Variants in WNT7B observed in about 807,000 individuals in gnomAD.
The protein encoded by WNT7B is Wnt family member 7B, also known as protein Wnt-7b.
A neutral mutation model predicts 38.2 loss-of-function variants in WNT7B; 19 were observed. That is an observed-to-expected ratio of 0.50 (90% CI 0.35 to 0.73). WNT7B has a LOEUF of 0.73. WNT7B is among the 30% of genes least tolerant of loss of function. The pLI, the probability that WNT7B is intolerant of heterozygous loss-of-function variation, is 0.01. For missense variants in WNT7B, 423 were observed against 507.9 expected (o/e 0.83, Z 1.61); for synonymous variants, 243 against 209.3 (o/e 1.16, Z -1.39).
In WNT7B at chr22:45,965,712, G is replaced by A. The variant is rs191137446; in HGVS notation, c.71+10972C>T. On this transcript the variant is annotated intron_variant, in intron 1 of 3. Coordinates refer to ENST00000339464, the MANE Select transcript of WNT7B (RefSeq NM_058238.3). The surrounding 1 kb of genome is among the most constrained non-coding windows in gnomAD (Gnocchi z 6.5). ...ACAAGACCCAGAACAGAAGGCCTCTGGGCTTCCCATACCCGCAGGACAGCT... is the reference window on the plus strand; with the variant it reads ...ACAAGACCCAGAACAGAAGGCCTCTAGGCTTCCCATACCCGCAGGACAGCT... Among the ~76,000 whole-genome samples the A allele has an allele frequency of 2.0e-5, 3 of 152,292 alleles. No individual in the cohort carries two copies. The highest frequency in any genetic ancestry group is 3.9e-4 in the East Asian group (2 of 5,172).
chr22:45,926,264 GCCCCC>G, intron 3 of WNT7B: 1 of 985,374 alleles, frequency 1.0e-6, no homozygotes, highest in Non-Finnish European at 1.2e-6. Flanking sequence ...ACTGAGACCG[GCCCCC>G]TGCCCCAAGA....
chr22:45,927,114 G>A (rs1050284437), intron 3 of WNT7B: 1 of 984,464 alleles, frequency 1.0e-6, no homozygotes, highest in Non-Finnish European at 1.2e-6. Flanking sequence ...GCCTTCACTG[G>A]GTTGGTCTTG....
chr22:45,926,792 T>A (rs1410905877), intron 3 of WNT7B: 1 of 985,240 alleles, frequency 1.0e-6, no homozygotes, highest in African/African-American at 1.7e-5. Flanking sequence ...GGACTGAATG[T>A]GGCCTCGAGT....
At chr22:45,931,541 A>C (rs917690496) in intron 2 of WNT7B, among the ~76,000 whole-genome samples, 172 bp from the exon 3 acceptor site, 2 of 152,138 alleles carry the variant, frequency 1.3e-5, no homozygotes, top group African/African-American at 4.8e-5. Flanking sequence ...GATGGGAGCC[A>C]TCTCTCAGGG....
At chr22:45,972,108 C>CGGGGGGGGGGG in intron 1 of WNT7B, 24 of 579,168 alleles carry the variant, frequency 4.1e-5, no homozygotes, top group Non-Finnish European at 5.9e-5. Context: ...GCTGGAGGCC[C>CGGGGGGGGGGG]GGGGGGAGCC....
At position 45,975,726 on chromosome 22, in the gene WNT7B, C is replaced by A. The variant is rs1932536267; in HGVS notation, c.71+958G>T. ...ACGGGGCTCGCCTCGGGGCAGCCGG[C>A]GGCGCACAGTAGGCGCGCAGGGCGC... On this transcript the variant is annotated intron_variant, in intron 1 of 3. Coordinates refer to ENST00000339464, the MANE Select transcript of WNT7B (RefSeq NM_058238.3). The surrounding 1 kb of genome is among the most constrained non-coding windows in gnomAD (Gnocchi z 6.6). The A allele has an allele frequency of 4.4e-6, 2 of 457,294 alleles. No homozygotes were observed. Among genetic ancestry groups the A allele is most frequent in the Non-Finnish European group, 8.0e-6 (2 of 249,706 alleles). The allele number at this position is 457,294 out of a possible 1,614,324, so 28.3% of individuals were successfully genotyped here.
intron 1 of WNT7B, among the ~76,000 whole-genome samples, chr22:45,970,859 G>A (rs992501959): frequency 1.3e-5 from 2 of 152,212 alleles, no homozygotes; most frequent in African/African-American, 4.8e-5. Context: ...GTCCCCACCC[G>A]CATGCGCCCT....
intron 1 of WNT7B, among the ~76,000 whole-genome samples, chr22:45,967,190 C>T (rs1006522195): frequency 5.3e-5 from 8 of 152,212 alleles, no homozygotes; most frequent in African/African-American, 1.7e-4. Flanking sequence ...TGGTTTTGTC[C>T]TTGGCCAGCG....
intron 1 of WNT7B, among the ~76,000 whole-genome samples, chr22:45,974,040 G>T (rs1196635934): frequency 6.6e-6 from 1 of 152,130 alleles, no homozygotes; most frequent in African/African-American, 2.4e-5. Context: ...TACACCATCT[G>T]GAGGAGTCCC....
intron 3 of WNT7B, among the ~76,000 whole-genome samples, chr22:45,924,574 G>A (rs527650542): frequency 6.6e-6 from 1 of 152,394 alleles, no homozygotes; most frequent in South Asian, 2.1e-4. Context: ...CATTCCAGGA[G>A]GGGTTCAACA....
Position 45,924,776 on chromosome 22 carries a change from G to A in WNT7B, c.571-1441C>T, listed in dbSNP as rs568076466. On this transcript the variant is annotated intron_variant, in intron 3 of 3. Transcript: ENST00000339464. ...GGCCCTAGGCTGGCAGGTGGGTGCCGGGGGACCCAAAGGCTCATCAGGCAG... is the reference window on the plus strand; with the variant it reads ...GGCCCTAGGCTGGCAGGTGGGTGCCAGGGGACCCAAAGGCTCATCAGGCAG... 5.5e-3 allele frequency among the ~76,000 whole-genome samples: 806 copies of A among 146,968 alleles called. 7 individuals carry two copies. Among genetic ancestry groups the A allele is most frequent in the African/African-American group, 0.019 (748 of 39,478 alleles).
chr22:45,949,964 G>A lies in WNT7B; in HGVS notation c.254C>T (p.Ser85Phe). The A allele has an allele frequency of 6.2e-7, 1 of 1,613,604 alleles. No individual in the cohort carries two copies. Among genetic ancestry groups the A allele is most frequent in the Non-Finnish European group, 8.5e-7 (1 of 1,179,862 alleles). Residue 85 changes from serine (S) to phenylalanine (F), a missense_variant, in exon 2 of 4, where the codon TCT (serine) becomes TTT (phenylalanine). Physicochemically the swap from Ser to Phe is radical, Grantham distance 155. Transcript: ENST00000339464. The part of the protein sequence containing the change: ...YQFRFGRWNC[S>F]ALGEKTVFGQ... ...GAAGACGGTCTTCTCGCCGAGGGCA[G>A]AGCAGTTCCAGCGTCCGAAGCGGAA...
At chr22:45,960,079 T>G (rs894691395) in intron 1 of WNT7B, among the ~76,000 whole-genome samples, 35 of 152,128 alleles carry the variant, frequency 2.3e-4, no homozygotes, top group African/African-American at 7.7e-4. Context: ...GCCCCTGGCA[T>G]GGACCCACGC....
At chr22:45,967,745 G>A (rs1932344388) in intron 1 of WNT7B, among the ~76,000 whole-genome samples, 1 of 152,164 alleles carries the variant, frequency 6.6e-6, no homozygotes, top group Non-Finnish European at 1.5e-5. Context: ...GACTTGCTTG[G>A]CCATTGTCCA....
intron 2 of WNT7B, among the ~76,000 whole-genome samples, chr22:45,949,197 G>C (rs2146731906): frequency 6.6e-6 from 1 of 152,264 alleles, no homozygotes; most frequent in African/African-American, 2.4e-5. Context: ...GCATGATGAA[G>C]CCTTACCCCC....
intron 2 of WNT7B, among the ~76,000 whole-genome samples, chr22:45,943,067 G>A (rs1931702511): frequency 6.6e-6 from 1 of 151,490 alleles, no homozygotes; most frequent in Admixed American, 6.6e-5. Context: ...TGTGCAGTGT[G>A]CACATGTGTG....
Position 45,931,136 on chromosome 22 carries a change from G to T in WNT7B, c.532C>A (p.Arg178Ser). ...DAREIKKNARRLMNLHNNEAG... is the reference protein window; with the variant it reads ...DAREIKKNARSLMNLHNNEAG... The stretch of plus-strand genomic sequence containing the variant: ...TCATTGTTATGCAGGTTCATGAGGC[G>T]CCGCGCGTTCTTCTTGATCTCCCGA... The change falls in exon 3 of 4, where the codon CGC (arginine) becomes AGC (serine). Residue 178 changes from arginine to serine, a missense_variant. Arg to Ser is a moderately radical substitution (Grantham distance 110). Around this residue, in one of 3 missense-constraint regions of WNT7B, gnomAD observed 132 missense variants for 113.4 expected, o/e 1.16. Coordinates refer to ENST00000339464, the MANE Select transcript of WNT7B (RefSeq NM_058238.3). The T allele has an allele frequency of 6.3e-7, 1 of 1,592,838 alleles. No individual in the cohort carries two copies.
rs770306555 is a variant in WNT7B at position 45,976,804 on chromosome 22, CGCGGGCCCG to C, written c.-59_-51del. ...TAGACAGCGGCGGCCGGAGGGGACG[CGCGGGCCCG>C]GCAGGGCCGGGCAGGGGCCAGGGGG... is the stretch of plus-strand genomic sequence containing the variant. On this transcript the variant is annotated 5_prime_UTR_variant, in exon 1 of 4. Coordinates refer to ENST00000339464, the MANE Select transcript of WNT7B (RefSeq NM_058238.3). The surrounding 1 kb of genome is among the most constrained non-coding windows in gnomAD (Gnocchi z 8.5). 5.8e-6 allele frequency: 9 copies of C among 1,549,350 alleles called. No individual in the cohort carries two copies. The South Asian group carries it at 1.0e-4, about 18-fold the overall frequency.
chr22:45,927,741 C>T (rs1170017359), intron 3 of WNT7B, among the ~76,000 whole-genome samples: 1 of 145,002 alleles, frequency 6.9e-6, no homozygotes, highest in Admixed American at 6.8e-5. Flanking sequence ...ACTAACAATA[C>T]AGAAATTAGC....
Sources: allele counts gnomAD v4.1 joint callset (sites outside exome capture counted in the v4.1 genomes callset), GRCh38; gene constraint gnomAD v4.1.1; regional missense constraint gnomAD v4.1.1; non-coding constraint Gnocchi (gnomAD v3.1); transcripts MANE v1.5; gene names NCBI Gene and HGNC (gene_info 2026-07-23, HGNC 2026-07-21).